Variants in CHRAC1 observed in about 807,000 individuals in gnomAD.
CHRAC1 encodes the protein chromatin accessibility complex protein 1.
Under a neutral mutation model 9.1 loss-of-function variants are expected in CHRAC1, and 6 were observed. The observed-to-expected ratio is 0.66, with a 90% confidence interval of 0.36 to 1.29. CHRAC1 has a LOEUF of 1.29. Among genes scored for constraint, CHRAC1 ranks in the 50% most tolerant of loss-of-function variants. The pLI is 0.03. For missense variants in CHRAC1, 168 were observed against 163.5 expected (o/e 1.03, Z -0.15); for synonymous variants, 73 against 64.5 (o/e 1.13, Z -0.63).
chr8:140,514,764 T>C (rs2072317037), intron 2 of CHRAC1: 2 of 367,596 alleles, frequency 5.4e-6, no homozygotes, highest in South Asian at 7.6e-5. Context: ...CTTTACTCTC[T>C]ACAGGGACCC....
In CHRAC1 at chr8:140,511,337, G is replaced by A. The variant is rs1404707952; in HGVS notation, c.-163G>A. On this transcript the variant is annotated 5_prime_UTR_variant, in exon 1 of 3. Coordinates refer to ENST00000220913, the MANE Select transcript of CHRAC1 (RefSeq NM_017444.6). ...GGCGCGAGGCCTCACGGAGCTCGTA[G>A]TTTCCCGGACGGGCCGCTCCCGGCC... The A allele has an allele frequency of 9.7e-6, 5 of 514,072 alleles. No homozygotes were observed. The highest frequency in any genetic ancestry group is 1.5e-5 in the Non-Finnish European group (5 of 334,044). 31.8% of individuals were successfully genotyped at this position (514,072 alleles called of 1,614,324 possible).
At chr8:140,513,913 C>CT (rs57880666) in intron 1 of CHRAC1, among the ~76,000 whole-genome samples, 4,056 of 87,236 alleles carry the variant, frequency 0.046, 211 homozygotes, top group East Asian at 0.052. Flanking sequence ...CCAGTGATTT[C>CT]TTTTTTTTTT....
At chr8:140,513,653 G>A (rs1423469548) in intron 1 of CHRAC1, among the ~76,000 whole-genome samples, 1 of 151,288 alleles carries the variant, frequency 6.6e-6, no homozygotes, top group Non-Finnish European at 1.5e-5. Context: ...CACCGTGTTA[G>A]CCAGGATGGT....
intron 1 of CHRAC1, among the ~76,000 whole-genome samples, chr8:140,512,850 T>G (rs2072294002): frequency 6.6e-6 from 1 of 152,234 alleles, no homozygotes; most frequent in Admixed American, 6.5e-5. Context: ...TTTTTTGAGA[T>G]GGAGTTTCCC....
Position 140,514,355 on chromosome 8 carries a change from T to C in CHRAC1, c.148-14T>C. 6.4e-7 allele frequency: 1 copy of C among 1,568,526 alleles called. No individual in the cohort carries two copies. Among genetic ancestry groups the C allele is most frequent in the Non-Finnish European group, 8.6e-7 (1 of 1,167,362 alleles). On this transcript the variant is annotated splice_polypyrimidine_tract_variant and intron_variant, in intron 1 of 2. Transcript: ENST00000220913. ...AAAGCACACCTTTCATTTGCATTTT[T>C]CATTTTGTTCTAGGAGCTCTTTGTT... is the stretch of plus-strand genomic sequence containing the variant.
In CHRAC1 at chr8:140,515,177, A is replaced by G; in HGVS notation, c.326A>G (p.Glu109Gly). ...AGTAAATACCTGAAAATGCTTAAAG[A>G]GGAAAAGAGGGAAGAAGATGAGGAG... ...LASKYLKMLK[E>G]EKREEDEEND... The change falls in exon 3 of 3, where the codon GAG (glutamate) becomes GGG (glycine). Residue 109 changes from glutamate to glycine, a missense_variant. Transcript: ENST00000220913. The G allele has an allele frequency of 6.2e-7, 1 of 1,613,124 alleles. No individual in the cohort carries two copies. Among genetic ancestry groups the G allele is most frequent in the Non-Finnish European group, 8.5e-7 (1 of 1,179,062 alleles).
At chr8:140,514,249 T>G (rs1304790003) in intron 1 of CHRAC1, 120 bp from the exon 2 acceptor site, 1 of 1,089,520 alleles carries the variant, frequency 9.2e-7, no homozygotes, top group African/African-American at 1.7e-5. Flanking sequence ...ACCAAGAGAA[T>G]CTGAAGTCTT....
At chr8:140,511,794 C>T in intron 1 of CHRAC1, 148 bp downstream of exon 1, 1 of 861,694 alleles carries the variant, frequency 1.2e-6, no homozygotes. Flanking sequence ...CGTCCCACGC[C>T]GGCGCGCGCT....
In CHRAC1 at chr8:140,515,135, CAAA is replaced by C; in HGVS notation, c.285_287del (p.Lys97del). On this transcript the variant is annotated inframe_deletion, in exon 3 of 3. Coordinates refer to ENST00000220913, the MANE Select transcript of CHRAC1 (RefSeq NM_017444.6). ...GCTTTATGTTTTTAAGATATATTAC[CAAA>C]GAAGATTTTAGCTAGTAAATACCTG... 2.5e-6 allele frequency: 4 copies of C among 1,611,286 alleles called. No individual in the cohort carries two copies. The highest frequency in any genetic ancestry group is 3.4e-6 in the Non-Finnish European group (4 of 1,177,660).
rs1473764173 is a variant in CHRAC1 at position 140,515,697 on chromosome 8, C to T, written c.*450C>T. 1 of 152,770 alleles carries T rather than the reference C, an allele frequency of 6.5e-6. No homozygotes were observed. Among genetic ancestry groups the T allele is most frequent in the Non-Finnish European group, 1.5e-5 (1 of 68,454 alleles). 9.5% of individuals were successfully genotyped at this position (152,770 alleles called of 1,614,324 possible). A position where few individuals can be genotyped will look rare whatever the true frequency, so the allele number is the denominator to read the frequency against. The stretch of plus-strand genomic sequence containing the variant: ...AATTTATAGTTTAGGTAGTATGTTA[C>T]ATTTGAATTTTTGTCTTAAGAAAAG... On this transcript the variant is annotated 3_prime_UTR_variant, in exon 3 of 3. Transcript: ENST00000220913.
rs2072335430 is a variant in CHRAC1, at chr8:140,516,200, T to C, written c.*953T>C. On this transcript the variant is annotated 3_prime_UTR_variant, in exon 3 of 3. Transcript: ENST00000220913. ...TCTCACTCAGTTGCCCAGGCTGGAT[T>C]GCGGTGGCGCTGTCTCAGCTCACTG... 6.6e-6 allele frequency: 1 copy of C among 151,738 alleles called. No individual in the cohort carries two copies. The highest frequency in any genetic ancestry group is 1.5e-5 in the Non-Finnish European group (1 of 67,992). The allele number at this position is 151,738 out of a possible 1,614,324, so 9.4% of individuals were successfully genotyped here. A position where few individuals can be genotyped will look rare whatever the true frequency, so the allele number is the denominator to read the frequency against.
rs575848973 is a variant in CHRAC1 at position 140,511,396 on chromosome 8, C to T, written c.-104C>T. 123 of 1,075,914 alleles carry T rather than the reference C, an allele frequency of 1.1e-4. No homozygotes were observed. The highest frequency in any genetic ancestry group is 1.4e-4 in the Non-Finnish European group (115 of 827,290). The allele number at this position is 1,075,914 out of a possible 1,614,324, so 66.6% of individuals were successfully genotyped here. ...TCGCCTCCCCACACTACAACTCCCA[C>T]GGGGCAGCGGGCGCGGCTCCCCGTA... is the stretch of plus-strand genomic sequence containing the variant. On this transcript the variant is annotated 5_prime_UTR_variant, in exon 1 of 3. In the 5' UTR this introduces an upstream ATG that the reference lacks. Coordinates refer to ENST00000220913, the MANE Select transcript of CHRAC1 (RefSeq NM_017444.6).
Position 140,511,435 on chromosome 8 carries a change from C to G in CHRAC1, c.-65C>G. Reference sequence around the variant, plus strand: ...CGGCTCCCCGTACCCACCAGCTGGCCGGGCAGGGCAGCCACTTCGCGGTCG... The same window carrying G: ...CGGCTCCCCGTACCCACCAGCTGGCGGGGCAGGGCAGCCACTTCGCGGTCG... On this transcript the variant is annotated 5_prime_UTR_variant, in exon 1 of 3. Coordinates refer to ENST00000220913, the MANE Select transcript of CHRAC1 (RefSeq NM_017444.6). 7.9e-7 allele frequency: 1 copy of G among 1,263,184 alleles called. No individual in the cohort carries two copies. The highest frequency in any genetic ancestry group is 1.0e-6 in the Non-Finnish European group (1 of 988,884). The allele number at this position is 1,263,184 out of a possible 1,614,324, so 78.2% of individuals were successfully genotyped here.
Position 140,511,520 on chromosome 8 carries a change from T to A in CHRAC1, c.21T>A (p.Gly7=), listed in dbSNP as rs770313415. MADVVV[G]KDKGGEQRLI... Reference sequence around the variant, plus strand: ...GGAAGATGGCGGACGTGGTCGTGGGTAAAGACAAGGGCGGGGAGCAGCGGC... The same window carrying A: ...GGAAGATGGCGGACGTGGTCGTGGGAAAAGACAAGGGCGGGGAGCAGCGGC... The change falls in exon 1 of 3, where the codon GGT becomes GGA. Residue 7 remains glycine (G), a synonymous_variant. Transcript: ENST00000220913. 4.4e-6 allele frequency: 6 copies of A among 1,367,070 alleles called. No homozygotes were observed. The allele number at this position is 1,367,070 out of a possible 1,614,324, so 84.7% of individuals were successfully genotyped here. A position where few individuals can be genotyped will look rare whatever the true frequency, so the allele number is the denominator to read the frequency against.
Position 140,511,628 on chromosome 8 carries a change from G to C in CHRAC1, c.129G>C (p.Val43=). The C allele has an allele frequency of 6.9e-7, 1 of 1,440,928 alleles. No individual in the cohort carries two copies. The highest frequency in any genetic ancestry group is 9.2e-7 in the Non-Finnish European group (1 of 1,089,694). 89.3% of individuals were successfully genotyped at this position (1,440,928 alleles called of 1,614,324 possible). Residue 43 remains valine (V), a synonymous_variant, in exon 1 of 3, where the codon GTG becomes GTC. Transcript: ENST00000220913. ...CCAGCATCAACCAGGAGGCGTTGGTGCTCACGGCCAAGGCCACGGTGAGGG... is the reference window on the plus strand; with the variant it reads ...CCAGCATCAACCAGGAGGCGTTGGTCCTCACGGCCAAGGCCACGGTGAGGG... The part of the protein sequence containing the change: ...EVSSINQEAL[V]LTAKATELFV...
At chr8:140,512,024 C>T in intron 1 of CHRAC1, 4 of 1,287,846 alleles carry the variant, frequency 3.1e-6, no homozygotes, top group Non-Finnish European at 4.0e-6. Flanking sequence ...TTCGGCAAAC[C>T]CGTAAGCTCC....
At position 140,511,349 on chromosome 8, in the gene CHRAC1, G is replaced by GGCCGCTCCCGGCCTC. The variant is rs1264929419; in HGVS notation, c.-148_-134dup. 1.6e-6 allele frequency: 1 copy of GGCCGCTCCCGGCCTC among 607,082 alleles called. No homozygotes were observed. Among genetic ancestry groups the GGCCGCTCCCGGCCTC allele is most frequent in the Non-Finnish European group, 2.4e-6 (1 of 416,350 alleles). 37.6% of individuals were successfully genotyped at this position (607,082 alleles called of 1,614,324 possible). A position where few individuals can be genotyped will look rare whatever the true frequency, so the allele number is the denominator to read the frequency against. On this transcript the variant is annotated 5_prime_UTR_variant, in exon 1 of 3. Transcript: ENST00000220913. ...CACGGAGCTCGTAGTTTCCCGGACG[G>GGCCGCTCCCGGCCTC]GCCGCTCCCGGCCTCGCGGCCTCGC... is the stretch of plus-strand genomic sequence containing the variant.
At chr8:140,513,993 A>G (rs952875902) in intron 1 of CHRAC1, among the ~76,000 whole-genome samples, 1 of 118,250 alleles carries the variant, frequency 8.5e-6, no homozygotes, top group African/African-American at 3.3e-5. Flanking sequence ...TCCAACCTCC[A>G]CCTCCCAGGT....
chr8:140,515,213 A>G lies in CHRAC1; in HGVS notation c.362A>G (p.Asp121Gly), dbSNP rs769351809. 6.2e-7 allele frequency: 1 copy of G among 1,614,104 alleles called. No homozygotes were observed. The highest frequency in any genetic ancestry group is 1.1e-5 in the South Asian group (1 of 91,070). ...GAAGAAGATGAGGAGAATGACAATG[A>G]TAATGAAAGTGACCATGATGAAGCT... Reference protein sequence around the residue: ...KREEDEENDNDNESDHDEADS With the variant: ...KREEDEENDNGNESDHDEADS The change falls in exon 3 of 3, where the codon GAT becomes GGT. Residue 121 changes from aspartate (D) to glycine (G), a missense_variant. Coordinates refer to ENST00000220913, the MANE Select transcript of CHRAC1 (RefSeq NM_017444.6).
Sources: gnomAD v4.1 joint callset for allele counts (sites outside exome capture counted in the v4.1 genomes callset) on GRCh38, gnomAD v4.1.1 for gene constraint, MANE v1.5 for transcripts, NCBI Gene and HGNC (gene_info 2026-07-23, HGNC 2026-07-21) for gene names.